Variants in TSEN2 observed in about 807,000 individuals in gnomAD.
TSEN2 encodes the protein tRNA splicing endonuclease subunit 2, also known as tRNA-splicing endonuclease subunit Sen2.
TSEN2 carries 54 observed loss-of-function variants against 59.2 expected under a neutral mutation model. The observed-to-expected ratio is 0.91, with a 90% CI of 0.73 to 1.14. The LOEUF (loss-of-function observed/expected upper bound fraction) is 1.14, where lower values mean the gene tolerates loss of function less well. Among genes scored for constraint, TSEN2 ranks in the 50% most tolerant of loss-of-function variants. The probability of loss-of-function intolerance (pLI) is 0.00; values close to 1 mark genes in which losing one functional copy is unlikely to be tolerated. For synonymous variants in TSEN2, 195 were observed against 198.2 expected, an observed-to-expected ratio of 0.98 and a Z score of 0.14; for missense variants, 636 against 576.2, an observed-to-expected ratio of 1.10 and a Z score of -1.06.
At chr3:12,518,038 G>C (rs1172362326) in intron 7 of TSEN2, among the ~76,000 whole-genome samples, 1 of 152,072 alleles carries the variant, frequency 6.6e-6, no homozygotes, top group African/African-American at 2.4e-5. Context: ...CTGAAGACTT[G>C]ATTGTTTCAG....
rs767646679 is a variant in TSEN2 at position 12,532,937 on chromosome 3, A to G, written c.*216A>G. ...AGATTCTATACTTGCGTTGGCCTCT[A>G]ACTCTCCAATCCAGAGCCTCCTGCC... On this transcript the variant is annotated 3_prime_UTR_variant, in exon 12 of 12. Transcript: ENST00000284995. 4 of 599,126 alleles carry G rather than the reference A, an allele frequency of 6.7e-6. No individual in the cohort carries two copies. Among genetic ancestry groups the G allele is most frequent in the Non-Finnish European group, 1.2e-5 (4 of 340,414 alleles). The allele number at this position is 599,126 out of a possible 1,614,324, so 37.1% of individuals were successfully genotyped here.
At chr3:12,517,651 G>A (rs1376995790) in intron 7 of TSEN2, among the ~76,000 whole-genome samples, 1 of 152,202 alleles carries the variant, frequency 6.6e-6, no homozygotes, top group Non-Finnish European at 1.5e-5. Context: ...ATCAAATTCT[G>A]ATTGCATAAA....
At chr3:12,502,835 A>G (rs1390606586) in intron 4 of TSEN2, among the ~76,000 whole-genome samples, 3 of 152,114 alleles carry the variant, frequency 2.0e-5, no homozygotes, top group Non-Finnish European at 4.4e-5. Context: ...GCACTTTGGG[A>G]GGCCAAGGCG....
At chr3:12,507,378 T>C (rs2054952459) in intron 6 of TSEN2, among the ~76,000 whole-genome samples, 1 of 152,200 alleles carries the variant, frequency 6.6e-6, no homozygotes, top group African/African-American at 2.4e-5. Flanking sequence ...GTTTGGCCTG[T>C]CAGAACCTCA....
upstream of TSEN2, among the ~76,000 whole-genome samples, chr3:12,480,539 T>TTG (rs1381231876): frequency 1.4e-5 from 2 of 142,974 alleles, no homozygotes; most frequent in African/African-American, 2.6e-5. Flanking sequence ...TTTTTTTTTT[T>TTG]TTTTTTTTTT....
rs553128979 is a variant in TSEN2 at position 12,508,154 on chromosome 3, C to T, written c.909+2923C>T. 7.2e-4 allele frequency among the ~76,000 whole-genome samples: 110 copies of T among 152,152 alleles called. 3 individuals carry two copies. The highest frequency in any genetic ancestry group is 1.3e-3 in the Non-Finnish European group (87 of 68,026). The stretch of plus-strand genomic sequence containing the variant: ...GTGGCAGCTGTAGGCGAAGGGTATT[C>T]CGTGTCAGATGCTGGGAGTTCAGCT... On this transcript the variant is annotated intron_variant, in intron 6 of 11. Transcript: ENST00000284995.
chr3:12,529,637 G>C, intron 9 of TSEN2, 125 bp from the exon 10 acceptor site: 5 of 839,120 alleles, frequency 6.0e-6, no homozygotes, highest in Non-Finnish European at 7.6e-6. Flanking sequence ...TAGCAATTTA[G>C]GGGAATTTAG....
intron 4 of TSEN2, among the ~76,000 whole-genome samples, chr3:12,502,668 G>GTTTTTTTTGTTT (rs776350628): frequency 6.9e-4 from 87 of 126,740 alleles, no homozygotes; most frequent in African/African-American, 1.5e-3. Context: ...CTGGGGGTTA[G>GTTTTTTTTGTTT]TTTTTTTTGT....
intron 3 of TSEN2, among the ~76,000 whole-genome samples, chr3:12,495,126 C>CAAAAAAA (rs1160986136): frequency 2.6e-4 from 18 of 68,648 alleles, no homozygotes; most frequent in Admixed American, 7.7e-4. Flanking sequence ...ACTCCGTCTC[C>CAAAAAAA]AAAAAAAAAA....
chr3:12,491,363 A>G (rs2053195745), intron 2 of TSEN2, among the ~76,000 whole-genome samples: 1 of 152,178 alleles, frequency 6.6e-6, no homozygotes, highest in Non-Finnish European at 1.5e-5. Flanking sequence ...CTGTGTGTTT[A>G]AATATTTTGT....
At chr3:12,500,210 G>A (rs887230463) in intron 4 of TSEN2, among the ~76,000 whole-genome samples, 7 of 152,182 alleles carry the variant, frequency 4.6e-5, no homozygotes, top group African/African-American at 1.2e-4. Flanking sequence ...TGGGATTGAT[G>A]GCAACAGGAC....
intron 4 of TSEN2, among the ~76,000 whole-genome samples, chr3:12,497,558 G>T (rs913581620): frequency 1.1e-4 from 17 of 152,178 alleles, no homozygotes; most frequent in African/African-American, 3.6e-4. Context: ...CCTCAGCCTT[G>T]GAGGAGCTAT....
chr3:12,535,784 G>A (rs1049141724), downstream of TSEN2, among the ~76,000 whole-genome samples: 4 of 152,034 alleles, frequency 2.6e-5, no homozygotes, highest in African/African-American at 7.2e-5. Flanking sequence ...TGCCTGCCTC[G>A]GCCTCCCAAA....
chr3:12,494,189 A>G (rs903480192), intron 3 of TSEN2, among the ~76,000 whole-genome samples: 1 of 152,240 alleles, frequency 6.6e-6, no homozygotes, highest in Non-Finnish European at 1.5e-5. Flanking sequence ...AAGACTGGGA[A>G]CAACTTACAT....
intron 6 of TSEN2, chr3:12,511,174 A>G (rs1404047791): frequency 6.6e-6 from 1 of 152,422 alleles, no homozygotes. Flanking sequence ...TTCTGAGATC[A>G]GACAAGATCG....
At chr3:12,514,310 A>G (rs942965190) in intron 6 of TSEN2, among the ~76,000 whole-genome samples, 4 of 152,220 alleles carry the variant, frequency 2.6e-5, no homozygotes, top group African/African-American at 4.8e-5. Flanking sequence ...TGGAAAGAGC[A>G]GTGGTAAGAT....
chr3:12,483,538 T>C (rs950597056), upstream of TSEN2, among the ~76,000 whole-genome samples: 2 of 152,202 alleles, frequency 1.3e-5, no homozygotes, highest in African/African-American at 2.4e-5. Flanking sequence ...GACCAGGAAT[T>C]ACTGCAGCTA....
At chr3:12,509,565 G>T (rs947052019) in intron 6 of TSEN2, among the ~76,000 whole-genome samples, 3 of 152,146 alleles carry the variant, frequency 2.0e-5, no homozygotes, top group Non-Finnish European at 2.9e-5. Flanking sequence ...AAGTAGATGT[G>T]TTTAATTTTA....
chr3:12,517,507 C>G (rs958830171), intron 7 of TSEN2, among the ~76,000 whole-genome samples: 1 of 152,088 alleles, frequency 6.6e-6, no homozygotes, highest in Non-Finnish European at 1.5e-5. Context: ...GCTGTTGTTG[C>G]CTGCTGCCTT....
Sources: allele counts gnomAD v4.1 joint callset (sites outside exome capture counted in the v4.1 genomes callset), GRCh38; gene constraint gnomAD v4.1.1; transcripts MANE v1.5; gene names NCBI Gene and HGNC (gene_info 2026-07-23, HGNC 2026-07-21).